TBC1D16: variants seen among roughly 807,000 people sequenced by gnomAD.
TBC1D16 encodes TBC1 domain family member 16.
In TBC1D16, 58 loss-of-function variants were observed where a neutral mutation model predicts 74.7. The ratio of observed to expected loss-of-function variants is 0.78; its 90% confidence interval spans 0.63 to 0.97. TBC1D16 has a LOEUF of 0.97. Among genes scored for constraint, TBC1D16 ranks in the 50% least tolerant of loss-of-function variants. TBC1D16 has a pLI of 0.00. For synonymous variants in TBC1D16, 493 were observed against 474.7 expected (o/e 1.04, Z -0.50); for missense variants, 1,014 against 1,079.5 (o/e 0.94, Z 0.85).
At position 80,010,605 on chromosome 17, in the gene TBC1D16, G is replaced by C. The variant is rs779079899; in HGVS notation, c.334C>G (p.Arg112Gly). The C allele has an allele frequency of 2.5e-6, 4 of 1,586,836 alleles. No homozygotes were observed. In the Admixed American group the frequency reaches 5.5e-5, roughly 22 times the overall value. ...SSPVRKAPRP[R>G]GRRTRSSGAS... Reference sequence around the variant, plus strand: ...CCTGAGCTCCGGGTGCGCCGGCCCCGAGGGCGGGGTGCCTTGCGAACGGGG... The same window carrying C: ...CCTGAGCTCCGGGTGCGCCGGCCCCCAGGGCGGGGTGCCTTGCGAACGGGG... The change falls in exon 3 of 12, where the codon CGG (arginine) becomes GGG (glycine). Residue 112 changes from arginine (R) to glycine (G), a missense_variant. Coordinates refer to ENST00000310924, the MANE Select transcript of TBC1D16 (RefSeq NM_019020.4). This position sits in a 1 kb window ranked among gnomAD's most constrained non-coding sequence, Gnocchi z 8.8.
chr17:79,978,270 A>T (rs984959019), intron 3 of TBC1D16, among the ~76,000 whole-genome samples: 2 of 152,244 alleles, frequency 1.3e-5, no homozygotes, highest in Admixed American at 6.5e-5. Context: ...GCTGCTGGGA[A>T]CTGGGAAGGC....
chr17:80,016,931 A>G (rs2036109700), intron 1 of TBC1D16, among the ~76,000 whole-genome samples: 1 of 152,110 alleles, frequency 6.6e-6, no homozygotes, highest in Non-Finnish European at 1.5e-5. Context: ...CCCATCTCAG[A>G]GATCCCGACG....
In TBC1D16 at chr17:79,952,747, T is replaced by C. The variant is rs199911355; in HGVS notation, c.851A>G (p.Asp284Gly). The part of the protein sequence containing the change: ...SNGLLQTPRW[D>G]EPQRVCALEQ... ...CAGGGCGCACACCCGCTGCGGCTCG[T>C]CCCAGCGTGGGGTCTGCAGGAGGCC... The change falls in exon 4 of 12, where the codon GAC becomes GGC. Residue 284 changes from aspartate to glycine, a missense_variant. By Grantham distance (94) the Asp-to-Gly change is moderately conservative. Transcript: ENST00000310924. The C allele has an allele frequency of 6.2e-7, 1 of 1,612,216 alleles. No homozygotes were observed. The highest frequency in any genetic ancestry group is 1.7e-5 in the Admixed American group (1 of 59,982).
chr17:80,025,591 GAGCACCTCCTTGCTGGA>G lies in TBC1D16; in HGVS notation c.-63+10187_-63+10203del, dbSNP rs144432305. 2.0e-4 allele frequency among the ~76,000 whole-genome samples: 30 copies of G among 148,928 alleles called. 2 individuals carry two copies. Among genetic ancestry groups the G allele is most frequent in the South Asian group, 1.5e-3 (7 of 4,688 alleles). The stretch of plus-strand genomic sequence containing the variant: ...CCTGCTGGGAGCAGCCGCCTGCTGG[GAGCACCTCCTTGCTGGA>G]AGCACCCCCCTGCCAGGAGCCCCCC... On this transcript the variant is annotated intron_variant, in intron 1 of 11. Transcript: ENST00000310924.
rs991488358 is a variant in TBC1D16, at chr17:79,981,362, T to A, written c.780-28544A>T. Among the ~76,000 whole-genome samples, 2 of 152,166 alleles carry A rather than the reference T, an allele frequency of 1.3e-5. No homozygotes were observed. Among genetic ancestry groups the A allele is most frequent in the Non-Finnish European group, 2.9e-5 (2 of 68,030 alleles). The stretch of plus-strand genomic sequence containing the variant: ...GGCGGGTATGTTCTTAGACCCTCCA[T>A]CTGCCCGGGCCCTGCTGGGAGAAGG... On this transcript the variant is annotated intron_variant, in intron 3 of 11. Coordinates refer to ENST00000310924, the MANE Select transcript of TBC1D16 (RefSeq NM_019020.4). This position sits in a 1 kb window ranked among gnomAD's most constrained non-coding sequence, Gnocchi z 6.9.
intron 1 of TBC1D16, among the ~76,000 whole-genome samples, chr17:80,027,874 A>G (rs1199473817): frequency 7.4e-5 from 10 of 135,628 alleles, no homozygotes; most frequent in Admixed American, 8.1e-5. Flanking sequence ...CCTGGGCAAC[A>G]CGGCAAGACT....
chr17:79,945,432 C>T (rs1386138807), intron 9 of TBC1D16, among the ~76,000 whole-genome samples: 4 of 152,190 alleles, frequency 2.6e-5, no homozygotes, highest in East Asian at 1.9e-4. Context: ...CTGTTTCCCA[C>T]GTCCACTCCT....
At chr17:79,960,811 G>GAAAA (rs2033578708) in intron 3 of TBC1D16, among the ~76,000 whole-genome samples, 15 of 40,316 alleles carry the variant, frequency 3.7e-4, no homozygotes, top group African/African-American at 4.8e-4. Flanking sequence ...AAAAAAAAAC[G>GAAAA]AAGGAATGAA....
intron 10 of TBC1D16, among the ~76,000 whole-genome samples, chr17:79,943,295 G>A (rs1037308307): frequency 1.3e-5 from 2 of 152,200 alleles, no homozygotes; most frequent in Non-Finnish European, 2.9e-5. Context: ...ACACAGCGGA[G>A]GGGTTGCAGG....
In TBC1D16 at chr17:79,968,581, C is replaced by T. The variant is rs142535240; in HGVS notation, c.780-15763G>A. Among the ~76,000 whole-genome samples the T allele has an allele frequency of 2.1e-4, 32 of 152,156 alleles. No individual in the cohort carries two copies. The East Asian group carries it at 4.4e-3, about 21-fold the overall frequency. On this transcript the variant is annotated intron_variant, in intron 3 of 11. Coordinates refer to ENST00000310924, the MANE Select transcript of TBC1D16 (RefSeq NM_019020.4). ...ACTATCAAGAGAGTGAGGCCGGGCA[C>T]GGTGGCTCACGCCTGTAATCCCAGC...
rs1325181298 is a variant in TBC1D16 at position 79,932,656 on chromosome 17, A to G, written c.*8203T>C. The G allele has an allele frequency of 6.6e-6, 1 of 152,250 alleles. No individual in the cohort carries two copies. The highest frequency in any genetic ancestry group is 1.5e-5 in the Non-Finnish European group (1 of 68,038). 9.4% of individuals were successfully genotyped at this position (152,250 alleles called of 1,614,324 possible). On this transcript the variant is annotated 3_prime_UTR_variant, in exon 12 of 12. Transcript: ENST00000310924. ...CTATTGTGCTTGTTCATGGCCAGGA[A>G]TCAACGAACTTTGGACAGACAATCA... is the stretch of plus-strand genomic sequence containing the variant.
At chr17:79,945,979 C>T (rs544115002) in intron 9 of TBC1D16, among the ~76,000 whole-genome samples, 10 of 152,348 alleles carry the variant, frequency 6.6e-5, no homozygotes, top group African/African-American at 2.2e-4. Context: ...CTGTGGCCTA[C>T]GGCCAGGTCA....
intron 3 of TBC1D16, among the ~76,000 whole-genome samples, chr17:79,974,840 T>C (rs376734140): frequency 4.6e-5 from 7 of 152,144 alleles, no homozygotes; most frequent in African/African-American, 7.2e-5. Context: ...GTTTATCTTA[T>C]GATGCTGAGG....
rs368696593 is a variant in TBC1D16 at position 80,010,046 on chromosome 17, G to A, written c.779+114C>T. ...CCACGGCCACAGCCGCGGGCAGGTC[G>A]GGCAGATGCCTCCAGCGCTCACCTG... On this transcript the variant is annotated intron_variant, in intron 3 of 11. Coordinates refer to ENST00000310924, the MANE Select transcript of TBC1D16 (RefSeq NM_019020.4). This position sits in a 1 kb window ranked among gnomAD's most constrained non-coding sequence, Gnocchi z 8.8. 4.1e-4 allele frequency: 377 copies of A among 917,770 alleles called. 3 individuals carry two copies. Among genetic ancestry groups the A allele is most frequent in the South Asian group, 3.8e-3 (218 of 57,376 alleles). 56.9% of individuals were successfully genotyped at this position (917,770 alleles called of 1,614,324 possible).
Position 79,947,727 on chromosome 17 carries a change from T to A in TBC1D16, c.1646A>T (p.Asp549Val), listed in dbSNP as rs775564094. ...CAAACCCACAAAGCACCAGAAGGTG[T>A]CTGACTCATCCAGGACCTCGGCCAA... is the stretch of plus-strand genomic sequence containing the variant. The part of the protein sequence containing the change: ...PILAEVLDES[D>V]TFWCFVGLMQ... Residue 549 changes from aspartate to valine, a missense_variant, in exon 9 of 12, where the codon GAC becomes GTC. Transcript: ENST00000310924. The A allele has an allele frequency of 6.2e-7, 1 of 1,614,042 alleles. No homozygotes were observed. Among genetic ancestry groups the A allele is most frequent in the South Asian group, 1.1e-5 (1 of 91,082 alleles).
chr17:79,945,347 T>G (rs2032435144), intron 9 of TBC1D16, among the ~76,000 whole-genome samples: 1 of 152,156 alleles, frequency 6.6e-6, no homozygotes, highest in African/African-American at 2.4e-5. Context: ...CAGAGTGTTG[T>G]GCCCGGGCGT....
chr17:79,957,702 T>G, intron 3 of TBC1D16, among the ~76,000 whole-genome samples: 1 of 151,032 alleles, frequency 6.6e-6, no homozygotes, highest in African/African-American at 2.4e-5. Context: ...AGACTCTGGG[T>G]GACAATGACG....
intron 3 of TBC1D16, among the ~76,000 whole-genome samples, chr17:80,005,693 T>C (rs1412415557): frequency 2.0e-5 from 3 of 152,152 alleles, no homozygotes; most frequent in African/African-American, 7.2e-5. Flanking sequence ...AGGCCGTCGC[T>C]GGACTGGGGC....
intron 1 of TBC1D16, among the ~76,000 whole-genome samples, chr17:80,024,645 CCATAG>C (rs2036477143): frequency 7.2e-6 from 1 of 139,484 alleles, no homozygotes; most frequent in Non-Finnish European, 1.5e-5. Context: ...ACCACACACA[CCATAG>C]ACATACACAC....
Sources: gnomAD v4.1 joint callset for allele counts (sites outside exome capture counted in the v4.1 genomes callset) on GRCh38, gnomAD v4.1.1 for gene constraint, Gnocchi (gnomAD v3.1) non-coding constraint, MANE v1.5 for transcripts, NCBI Gene and HGNC (gene_info 2026-07-23, HGNC 2026-07-21) for gene names.